QTMAN: variants seen among roughly 807,000 people sequenced by gnomAD.
QTMAN encodes tRNA-queuosine alpha-mannosyltransferase.
chr2:143,958,362 C>G, the QTMAN span, among the ~76,000 whole-genome samples: 279 of 152,022 alleles, frequency 1.8e-3, no homozygotes, highest in Middle Eastern at 6.8e-3. Flanking sequence ...AGAGCTTGGT[C>G]CTGGTTAATT....
At chr2:144,070,921 C>A in the QTMAN span, among the ~76,000 whole-genome samples, 1 of 152,054 alleles carries the variant, frequency 6.6e-6, no homozygotes, top group Non-Finnish European at 1.5e-5. Context: ...CATGACATGA[C>A]ACTAGAAAAC....
the QTMAN span, among the ~76,000 whole-genome samples, chr2:144,301,220 T>TTG: frequency 6.6e-6 from 1 of 152,144 alleles, no homozygotes; most frequent in South Asian, 2.1e-4. Flanking sequence ...TGTCTTGTTT[T>TTG]TTTGTTTGTT....
At chr2:144,122,873 T>C in the QTMAN span, among the ~76,000 whole-genome samples, 2 of 152,202 alleles carry the variant, frequency 1.3e-5, no homozygotes, top group African/African-American at 2.4e-5. Flanking sequence ...GATTCTCATA[T>C]GCAGCTGGGG....
At chr2:144,039,837 A>G in the QTMAN span, among the ~76,000 whole-genome samples, 2 of 152,184 alleles carry the variant, frequency 1.3e-5, no homozygotes, top group Non-Finnish European at 2.9e-5. Flanking sequence ...CTTTCAATTG[A>G]CACTGTTTCT....
the QTMAN span, among the ~76,000 whole-genome samples, chr2:144,106,319 C>A: frequency 6.6e-6 from 1 of 152,072 alleles, no homozygotes; most frequent in African/African-American, 2.4e-5. Context: ...GCAAATCGGA[C>A]AAAGAGTCAA....
the QTMAN span, among the ~76,000 whole-genome samples, chr2:144,086,986 T>C: frequency 6.6e-6 from 1 of 152,176 alleles, no homozygotes; most frequent in Non-Finnish European, 1.5e-5. Flanking sequence ...TAAACCATCC[T>C]AATTTGAGAT....
the QTMAN span, among the ~76,000 whole-genome samples, chr2:144,215,598 C>T: frequency 6.6e-6 from 1 of 152,098 alleles, no homozygotes; most frequent in Non-Finnish European, 1.5e-5. Flanking sequence ...ATTCCACTGA[C>T]AAAATATTAA....
the QTMAN span, chr2:143,952,899 G>A: frequency 9.3e-7 from 1 of 1,080,930 alleles, no homozygotes; most frequent in Admixed American, 1.9e-5. Context: ...TACCATCATA[G>A]CCAGAAAGTG....
chr2:144,145,188 A>G, the QTMAN span, among the ~76,000 whole-genome samples: 4 of 151,662 alleles, frequency 2.6e-5, no homozygotes, highest in African/African-American at 9.7e-5. Context: ...TTCTCTGTAA[A>G]ACTCTATTTT....
chr2:144,119,876 C>CA, the QTMAN span, among the ~76,000 whole-genome samples: 4 of 151,152 alleles, frequency 2.6e-5, no homozygotes, highest in South Asian at 6.2e-4. Context: ...CAAAACAAAA[C>CA]AAAAAACAAA....
chr2:143,994,688 C>T, the QTMAN span, among the ~76,000 whole-genome samples: 11 of 152,224 alleles, frequency 7.2e-5, no homozygotes, highest in South Asian at 2.3e-3. Context: ...TCAGAAAAGG[C>T]AAATCTATAG....
chr2:144,032,621 G>A, the QTMAN span, among the ~76,000 whole-genome samples: 1 of 152,304 alleles, frequency 6.6e-6, no homozygotes, highest in Non-Finnish European at 1.5e-5. Context: ...CCAGGTAGAG[G>A]ATGTGGTTTG....
At chr2:143,940,749 A>G in the QTMAN span, 1 of 152,440 alleles carries the variant, frequency 6.6e-6, no homozygotes, top group South Asian at 2.1e-4. Flanking sequence ...GTGGGGAGAC[A>G]CTGGGGGCTG....
chr2:143,955,045 C>T, the QTMAN span, among the ~76,000 whole-genome samples: 9 of 152,062 alleles, frequency 5.9e-5, no homozygotes, highest in Admixed American at 4.6e-4. Flanking sequence ...TCTGGAGGGC[C>T]TGCAAAGGCT....
the QTMAN span, among the ~76,000 whole-genome samples, chr2:143,978,501 C>G: frequency 1.3e-5 from 2 of 152,174 alleles, no homozygotes; most frequent in Non-Finnish European, 2.9e-5. Context: ...TGTACACAGT[C>G]ATTTTTATTC....
the QTMAN span, among the ~76,000 whole-genome samples, chr2:144,195,267 C>A: frequency 6.6e-6 from 1 of 151,888 alleles, no homozygotes; most frequent in Non-Finnish European, 1.5e-5. Flanking sequence ...AAAGATGTCA[C>A]AGCAAAAAAG....
At chr2:143,956,234 G>A in the QTMAN span, among the ~76,000 whole-genome samples, 1 of 152,118 alleles carries the variant, frequency 6.6e-6, no homozygotes, top group East Asian at 1.9e-4. Context: ...TAGTTTGGCT[G>A]ACAAGATTCT....
At chr2:144,223,956 C>T in the QTMAN span, among the ~76,000 whole-genome samples, 8 of 152,114 alleles carry the variant, frequency 5.3e-5, no homozygotes, top group East Asian at 3.9e-4. Flanking sequence ...AAATGTACAA[C>T]GTACAGCAAC....
chr2:144,136,048 A>G, the QTMAN span, among the ~76,000 whole-genome samples: 1 of 152,116 alleles, frequency 6.6e-6, no homozygotes, highest in Non-Finnish European at 1.5e-5. Context: ...ATGTGAGGCC[A>G]GGCAAGGTGG....
Sources: allele counts gnomAD v4.1 joint callset (sites outside exome capture counted in the v4.1 genomes callset), GRCh38; gene constraint gnomAD v4.1.1; transcripts MANE v1.5; gene names NCBI Gene and HGNC (gene_info 2026-07-23, HGNC 2026-07-21).